Variants in HSD17B12 observed in about 807,000 individuals in gnomAD.
HSD17B12 encodes the protein very-long-chain 3-oxoacyl-CoA reductase.
Under a neutral mutation model 39.3 loss-of-function variants are expected in HSD17B12, and 32 were observed. The observed-to-expected ratio is 0.81, with a 90% CI of 0.61 to 1.09. HSD17B12 has a LOEUF of 1.09. Ranked by LOEUF, HSD17B12 falls within the 50% of genes least tolerant of loss-of-function variation. HSD17B12 has a pLI of 0.00. For missense variants in HSD17B12, 342 were observed against 382.9 expected, an observed-to-expected ratio of 0.89 and a Z score of 0.89; for synonymous variants, 150 against 146.7, an observed-to-expected ratio of 1.02 and a Z score of -0.16.
chr11:43,781,405 T>C (rs1210347686), intron 3 of HSD17B12, among the ~76,000 whole-genome samples: 1 of 152,176 alleles, frequency 6.6e-6, no homozygotes, highest in Non-Finnish European at 1.5e-5. Flanking sequence ...TTAGAGAAAG[T>C]CTGGTCTGTC....
chr11:43,850,833 A>T (rs2135147391), intron 9 of HSD17B12, among the ~76,000 whole-genome samples: 1 of 152,344 alleles, frequency 6.6e-6, no homozygotes, highest in Admixed American at 6.5e-5. Flanking sequence ...AGGCTGAGGC[A>T]GGCGGATCAC....
intron 1 of HSD17B12, among the ~76,000 whole-genome samples, chr11:43,711,881 A>G (rs2134837128): frequency 1.3e-5 from 2 of 152,258 alleles, no homozygotes; most frequent in Admixed American, 1.3e-4. Context: ...GATGATAAAG[A>G]TATACATTGT....
intron 1 of HSD17B12, among the ~76,000 whole-genome samples, chr11:43,708,370 A>G (rs577260614): frequency 4.6e-5 from 7 of 152,324 alleles, no homozygotes; most frequent in African/African-American, 1.4e-4. Flanking sequence ...GGCAGTAACT[A>G]TGTATCTCTT....
the HSD17B12 span, among the ~76,000 whole-genome samples, chr11:43,584,023 C>G: frequency 6.6e-6 from 1 of 152,158 alleles, no homozygotes; most frequent in Admixed American, 6.5e-5. Context: ...TCAAAGTCAC[C>G]TGCCCCCAGT....
At chr11:43,694,291 G>A (rs1220755029) in intron 1 of HSD17B12, among the ~76,000 whole-genome samples, 2 of 152,078 alleles carry the variant, frequency 1.3e-5, no homozygotes, top group Non-Finnish European at 2.9e-5. Context: ...TCTGACTCTA[G>A]GCTCCATGTT....
At chr11:43,721,759 G>A (rs1950178460) in intron 1 of HSD17B12, among the ~76,000 whole-genome samples, 1 of 152,150 alleles carries the variant, frequency 6.6e-6, no homozygotes. Context: ...GCATGAACGA[G>A]GTCATGAAAT....
At chr11:43,574,095 C>T in the HSD17B12 span, among the ~76,000 whole-genome samples, 1 of 152,240 alleles carries the variant, frequency 6.6e-6, no homozygotes, top group Admixed American at 6.5e-5. Context: ...AGGGTGTCCT[C>T]CATACACAGC....
the HSD17B12 span, among the ~76,000 whole-genome samples, chr11:43,617,588 C>T: frequency 6.6e-6 from 1 of 152,092 alleles, no homozygotes; most frequent in Admixed American, 6.6e-5. Flanking sequence ...ACAGTTGTTC[C>T]CTGAGTCACA....
At chr11:43,766,290 C>T (rs1275238417) in intron 3 of HSD17B12, among the ~76,000 whole-genome samples, 1 of 152,140 alleles carries the variant, frequency 6.6e-6, no homozygotes, top group African/African-American at 2.4e-5. Context: ...TCCTCTTCTC[C>T]TCATAATGGT....
chr11:43,816,350 A>T lies in HSD17B12; in HGVS notation c.460A>T (p.Ile154Phe). The T allele has an allele frequency of 6.7e-7, 1 of 1,502,320 alleles. No homozygotes were observed. The highest frequency in any genetic ancestry group is 9.0e-7 in the Non-Finnish European group (1 of 1,108,998). 93.1% of individuals were successfully genotyped at this position (1,502,320 alleles called of 1,614,324 possible). A position where few individuals can be genotyped will look rare whatever the true frequency, so the allele number is the denominator to read the frequency against. ...FLDVPDLDNV[I>F]KKMININILS... ...AATTCTCAATATTTTTTTGCAGGTG[A>T]TCAAGAAAATGATAAATATTAATAT... The change falls in exon 6 of 11, where the codon ATC becomes TTC. Residue 154 changes from isoleucine (I) to phenylalanine (F), a missense_variant. Ile to Phe is a conservative substitution (Grantham distance 21). Transcript: ENST00000278353.
At chr11:43,853,337 CAAAAAAAAA>C (rs60722479) in intron 9 of HSD17B12, 37,747 of 93,438 alleles carry the variant, frequency 0.4, 6,043 homozygotes, top group Admixed American at 0.54. Flanking sequence ...GACTCTGTCT[CAAAAAAAAA>C]AAAAAAAAAA....
At chr11:43,618,661 T>C in the HSD17B12 span, among the ~76,000 whole-genome samples, 2 of 152,146 alleles carry the variant, frequency 1.3e-5, no homozygotes, top group Non-Finnish European at 2.9e-5. Context: ...CTTCCCTCCT[T>C]TTAGTTCTTC....
At chr11:43,567,002 A>T in the HSD17B12 span, among the ~76,000 whole-genome samples, 2 of 152,210 alleles carry the variant, frequency 1.3e-5, no homozygotes, top group African/African-American at 4.8e-5. Context: ...TGTGAGAAGG[A>T]TTCCGTGTCC....
chr11:43,796,434 A>G (rs1950917107), intron 3 of HSD17B12, among the ~76,000 whole-genome samples: 1 of 152,228 alleles, frequency 6.6e-6, no homozygotes. Flanking sequence ...CTGTATTAGT[A>G]CATGATTCTG....
At chr11:43,848,502 C>A (rs1590348794) in intron 9 of HSD17B12, 1 of 152,214 alleles carries the variant, frequency 6.6e-6, no homozygotes, top group African/African-American at 2.4e-5. Flanking sequence ...CCAAGCTCTT[C>A]TTTCCAAATT....
intron 6 of HSD17B12, among the ~76,000 whole-genome samples, chr11:43,818,132 A>G (rs1214408861): frequency 2.6e-5 from 4 of 152,140 alleles, no homozygotes; most frequent in Non-Finnish European, 4.4e-5. Flanking sequence ...ACTTATTTTT[A>G]CAAAGATTTC....
chr11:43,714,400 A>AT (rs1047092976), intron 1 of HSD17B12, among the ~76,000 whole-genome samples: 2 of 152,060 alleles, frequency 1.3e-5, no homozygotes, highest in African/African-American at 2.4e-5. Context: ...CCATTTCTTG[A>AT]TTTTGTCAGG....
At chr11:43,744,688 G>A (rs928553003) in intron 1 of HSD17B12, among the ~76,000 whole-genome samples, 1 of 152,176 alleles carries the variant, frequency 6.6e-6, no homozygotes, top group East Asian at 1.9e-4. Flanking sequence ...ATCTGAATAA[G>A]ATATGGACTT....
In HSD17B12 at chr11:43,831,113, A is replaced by C; in HGVS notation, c.536+103A>C. 1.9e-6 allele frequency: 2 copies of C among 1,062,428 alleles called. No homozygotes were observed. The highest frequency in any genetic ancestry group is 2.8e-6 in the Non-Finnish European group (2 of 718,598). The allele number at this position is 1,062,428 out of a possible 1,614,324, so 65.8% of individuals were successfully genotyped here. ...AAATCACTGAAGTGACTAATGAACC[A>C]AGCCTCCATGTCTTAGCCACAGAGT... On this transcript the variant is annotated intron_variant, in intron 7 of 10. Transcript: ENST00000278353. The surrounding 1 kb of genome is among the most constrained non-coding windows in gnomAD (Gnocchi z 4.1).
Sources: allele counts gnomAD v4.1 joint callset (sites outside exome capture counted in the v4.1 genomes callset), GRCh38; gene constraint gnomAD v4.1.1; non-coding constraint Gnocchi (gnomAD v3.1); transcripts MANE v1.5; gene names NCBI Gene and HGNC (gene_info 2026-07-23, HGNC 2026-07-21).